The following CAMK1D variants were observed in gnomAD, a reference collection of about 807,000 sequenced individuals.
CAMK1D encodes calcium/calmodulin-dependent protein kinase type 1D.
In CAMK1D, 9 loss-of-function variants were observed where a neutral mutation model predicts 47.7. The observed-to-expected ratio is 0.19, with a 90% CI of 0.11 to 0.33. The LOEUF is 0.33. CAMK1D is among the 10% of genes least tolerant of loss of function. The pLI is 1.00. For missense variants in CAMK1D, 291 were observed against 488.7 expected, an observed-to-expected ratio of 0.60 and a Z score of 3.81; for synonymous variants, 184 against 184.9, an observed-to-expected ratio of 0.99 and a Z score of 0.04.
chr10:12,469,484 G>A (rs1051290356), intron 1 of CAMK1D, among the ~76,000 whole-genome samples: 3 of 152,044 alleles, frequency 2.0e-5, no homozygotes, highest in Middle Eastern at 3.2e-3. Flanking sequence ...CATCTGCATC[G>A]TATTCTCTTT....
chr10:12,691,397 ATATATAAATATATATATATATATATT>A (rs1832906320), intron 3 of CAMK1D, among the ~76,000 whole-genome samples: 30 of 7,166 alleles, frequency 4.2e-3, no homozygotes, highest in African/African-American at 0.014. Context: ...ATATATATAT[ATATATAAATATATATATATATATATT>A]TTTTTTTTTT....
chr10:12,511,668 G>C (rs988583447), intron 1 of CAMK1D, among the ~76,000 whole-genome samples: 1 of 152,178 alleles, frequency 6.6e-6, no homozygotes, highest in African/African-American at 2.4e-5. Flanking sequence ...CAATCCAGTT[G>C]GATCAGAATC....
chr10:12,771,611 G>A (rs1206135100), intron 5 of CAMK1D, among the ~76,000 whole-genome samples: 1 of 152,204 alleles, frequency 6.6e-6, no homozygotes, highest in African/African-American at 2.4e-5. Flanking sequence ...GTTTAGAAGC[G>A]GGGAGATGCA....
chr10:12,367,985 G>T (rs1170589207), intron 1 of CAMK1D, among the ~76,000 whole-genome samples: 2 of 152,134 alleles, frequency 1.3e-5, no homozygotes, highest in Non-Finnish European at 2.9e-5. Flanking sequence ...GAGGTCAGGA[G>T]ATCGAGACCA....
At chr10:12,428,231 T>A (rs1840318691) in intron 1 of CAMK1D, among the ~76,000 whole-genome samples, 1 of 151,992 alleles carries the variant, frequency 6.6e-6, no homozygotes, top group South Asian at 2.1e-4. Flanking sequence ...GTCCATGTGT[T>A]CTCATTTGAA....
At chr10:12,692,011 T>C (rs1832950123) in intron 3 of CAMK1D, among the ~76,000 whole-genome samples, 1 of 152,230 alleles carries the variant, frequency 6.6e-6, no homozygotes, top group African/African-American at 2.4e-5. Flanking sequence ...TCTAGCCCAC[T>C]TTGGCTTTTA....
chr10:12,729,943 G>A (rs1314275995), intron 3 of CAMK1D, among the ~76,000 whole-genome samples: 1 of 149,672 alleles, frequency 6.7e-6, no homozygotes, highest in African/African-American at 2.5e-5. Context: ...CCCATAGAGC[G>A]TTTTAGGCTC....
chr10:12,642,048 T>TA (rs34344996), intron 2 of CAMK1D, among the ~76,000 whole-genome samples: 37,345 of 133,178 alleles, frequency 0.28, 4,859 homozygotes, highest in South Asian at 0.39. Flanking sequence ...TTTCTCAGAA[T>TA]AAAAAAAAAA....
chr10:12,434,389 C>G (rs1325675898), intron 1 of CAMK1D, among the ~76,000 whole-genome samples: 1 of 152,114 alleles, frequency 6.6e-6, no homozygotes, highest in East Asian at 1.9e-4. Context: ...ATTCTGTGTA[C>G]AAGGGGTCTG....
At chr10:12,647,371 ACT>A (rs1161539981) in intron 2 of CAMK1D, among the ~76,000 whole-genome samples, 1 of 150,794 alleles carries the variant, frequency 6.6e-6, no homozygotes, top group Non-Finnish European at 1.5e-5. Flanking sequence ...CTGGTCTCGA[ACT>A]CTTGACCTCA....
At chr10:12,464,264 G>A (rs1833524813) in intron 1 of CAMK1D, among the ~76,000 whole-genome samples, 1 of 152,152 alleles carries the variant, frequency 6.6e-6, no homozygotes, top group African/African-American at 2.4e-5. Context: ...AGAGGCCTCG[G>A]CAGGTGGGTC....
intron 10 of CAMK1D, 145 bp from the exon 11 acceptor site, chr10:12,828,624 G>A: frequency 1.6e-6 from 1 of 638,872 alleles, no homozygotes; most frequent in Non-Finnish European, 2.7e-6. Context: ...CTGGTGAAAA[G>A]AGTGAAACTC....
At chr10:12,352,230 T>C (rs77054187) in intron 1 of CAMK1D, among the ~76,000 whole-genome samples, 14,878 of 152,274 alleles carry the variant, frequency 0.098, 908 homozygotes, top group Non-Finnish European at 0.14. Flanking sequence ...GTTGACACAC[T>C]TTGTAGATCC....
At chr10:12,700,190 C>T (rs1258007379) in intron 3 of CAMK1D, among the ~76,000 whole-genome samples, 1 of 152,148 alleles carries the variant, frequency 6.6e-6, no homozygotes, top group Non-Finnish European at 1.5e-5. Context: ...TTAGTCCATT[C>T]TCATGCTGCT....
intron 1 of CAMK1D, among the ~76,000 whole-genome samples, chr10:12,539,955 C>T (rs1197460733): frequency 1.3e-5 from 2 of 152,180 alleles, no homozygotes; most frequent in South Asian, 2.1e-4. Context: ...CTCTGTCACA[C>T]TGTAGGCTGG....
chr10:12,666,986 G>T (rs1840453267), intron 3 of CAMK1D, 176 bp downstream of exon 3: 2 of 596,436 alleles, frequency 3.4e-6, no homozygotes, highest in Admixed American at 3.0e-5. Flanking sequence ...CTGCACACAG[G>T]CGTCTACAGG....
At position 12,409,885 on chromosome 10, in the gene CAMK1D, A is replaced by G. The variant is rs1404659900; in HGVS notation, c.92+59975A>G. The stretch of plus-strand genomic sequence containing the variant: ...CAGTACCTCCTGTCTCACCACTGGT[A>G]ACCTTGAATCTATTTTCTGTCTGTA... On this transcript the variant is annotated intron_variant, in intron 1 of 10. Transcript: ENST00000619168. Among the ~76,000 whole-genome samples the G allele has an allele frequency of 2.8e-4, 42 of 152,322 alleles. 1 individual carries two copies.
chr10:12,404,117 C>T (rs1839328254), intron 1 of CAMK1D, among the ~76,000 whole-genome samples: 1 of 151,922 alleles, frequency 6.6e-6, no homozygotes, highest in Admixed American at 6.6e-5. Flanking sequence ...GTGATCTCAC[C>T]TCACCGCAAC....
intron 1 of CAMK1D, among the ~76,000 whole-genome samples, chr10:12,484,543 G>A (rs1834155454): frequency 6.6e-6 from 1 of 152,208 alleles, no homozygotes. Flanking sequence ...CACCAGCCAA[G>A]TCAGGGAGCC....
Sources: allele counts gnomAD v4.1 joint callset (sites outside exome capture counted in the v4.1 genomes callset), GRCh38; gene constraint gnomAD v4.1.1; transcripts MANE v1.5; gene names NCBI Gene and HGNC (gene_info 2026-07-23, HGNC 2026-07-21).